ACTN3: variants seen among roughly 807,000 people sequenced by gnomAD.
The protein encoded by ACTN3 is alpha-actinin-3.
ACTN3 carries 91 observed loss-of-function variants against 119.6 expected under a neutral mutation model. The observed-to-expected ratio is 0.76, with a 90% CI of 0.64 to 0.91. The LOEUF is 0.91. Among genes scored for constraint, ACTN3 ranks in the 40% least tolerant of loss-of-function variants. The pLI is 0.00. For missense variants in ACTN3, 1,221 were observed against 1,215.1 expected (o/e 1.00, Z -0.07); for synonymous variants, 456 against 478.8 (o/e 0.95, Z 0.62).
In ACTN3 at chr11:66,559,949, C is replaced by T. The variant is rs370074102; in HGVS notation, c.1428-19C>T. 32 of 1,575,930 alleles carry T rather than the reference C, an allele frequency of 2.0e-5. No individual in the cohort carries two copies. Among genetic ancestry groups the T allele is most frequent in the South Asian group, 3.5e-5 (3 of 85,546 alleles). On this transcript the variant is annotated intron_variant, in intron 12 of 20. Transcript: ENST00000513398. The stretch of plus-strand genomic sequence containing the variant: ...TGGGCTGGGGCTGGCCCCACACTCG[C>T]CCTACTTCTCGCTCCCAGTGAGCTG...
chr11:66,561,360 A>G lies in ACTN3; in HGVS notation c.1994A>G (p.Glu665Gly). ...GGACCCTGGATCCAGGCGAAGGTGG[A>G]GGTAAGGGCTGGGATAGTGGGTCCA... is the stretch of plus-strand genomic sequence containing the variant. The part of the protein sequence containing the change: ...AIGPWIQAKV[E>G]EVGRLAAGLA... The change falls in exon 16 of 21, where the codon GAG becomes GGG. Residue 665 changes from glutamate (E) to glycine (G), a missense_variant and splice_region_variant. By Grantham distance (98) the Glu-to-Gly change is moderately conservative. Transcript: ENST00000513398. 1.2e-6 allele frequency: 2 copies of G among 1,609,804 alleles called. No homozygotes were observed. The highest frequency in any genetic ancestry group is 1.7e-5 in the Admixed American group (1 of 59,736).
rs2275998 is a variant in ACTN3 at position 66,559,110 on chromosome 11, T to A, written c.1277-126T>A. The A allele has an allele frequency of 2.9e-6, 3 of 1,045,828 alleles. No homozygotes were observed. In the African/African-American group the frequency reaches 5.0e-5, roughly 17 times the overall value. 64.8% of individuals were successfully genotyped at this position (1,045,828 alleles called of 1,614,324 possible). A position where few individuals can be genotyped will look rare whatever the true frequency, so the allele number is the denominator to read the frequency against. ...TATTACACCGACGCCGCAGAGCAAATCCCTAGGACGAGCTAGGCCGGTGCG... is the reference window on the plus strand; with the variant it reads ...TATTACACCGACGCCGCAGAGCAAAACCCTAGGACGAGCTAGGCCGGTGCG... On this transcript the variant is annotated intron_variant, in intron 11 of 20. Transcript: ENST00000513398.
At chr11:66,560,779 T>TCCCA in intron 15 of ACTN3, 24 bp downstream of exon 15, 1 of 1,587,490 alleles carries the variant, frequency 6.3e-7, no homozygotes, top group African/African-American at 1.3e-5. Flanking sequence ...GCAGCCTTCC[T>TCCCA]CCCACCCCCT....
At position 66,551,347 on chromosome 11, in the gene ACTN3, AT is replaced by A; in HGVS notation, c.259del (p.Ser87GlnfsTer48). 13 of 1,603,196 alleles carry A rather than the reference AT, an allele frequency of 8.1e-6. No individual in the cohort carries two copies. Among genetic ancestry groups the A allele is most frequent in the Non-Finnish European group, 1.1e-5 (13 of 1,174,788 alleles). On this transcript the variant is annotated frameshift_variant, in exon 2 of 21. Coordinates refer to ENST00000513398, the MANE Select transcript of ACTN3 (RefSeq NM_001104.4). LOFTEE classifies it high-confidence loss of function. ...CAAACTCATGCTGCTCCTGGAGGTC[AT>A]TTCAGGTGAGGATGGCAAATCAGTG... ...GLKLMLLLEVISGERLPRPDK... is the reference protein window; with the variant it reads ...GLKLMLLLEVXSGERLPRPDK...
rs1332332091 is a variant in ACTN3 at position 66,559,386 on chromosome 11, A to G, written c.1427A>G (p.Asn476Ser). The change falls in exon 12 of 21, where the codon AAT becomes AGT. Residue 476 changes from asparagine (N) to serine (S), a missense_variant and splice_region_variant. By Grantham distance (46) the Asn-to-Ser change is conservative. Coordinates refer to ENST00000513398, the MANE Select transcript of ACTN3 (RefSeq NM_001104.4). ...EHIAALAQEL[N>S]ELDYHEAASV... ...ATTGCCGCGCTGGCCCAGGAGCTCA[A>G]GTAGGCGGGGCCTCGCGGGGCCCGC... 6.6e-6 allele frequency: 10 copies of G among 1,524,366 alleles called. No individual in the cohort carries two copies. The highest frequency in any genetic ancestry group is 8.7e-6 in the Non-Finnish European group (10 of 1,143,530). 94.4% of individuals were successfully genotyped at this position (1,524,366 alleles called of 1,614,324 possible).
chr11:66,549,354 G>C (rs2134916081), intron 1 of ACTN3, among the ~76,000 whole-genome samples: 1 of 152,190 alleles, frequency 6.6e-6, no homozygotes. Flanking sequence ...AAATTCCTCG[G>C]CAACCTCTTA....
intron 17 of ACTN3, 103 bp downstream of exon 17, chr11:66,561,740 G>C: frequency 7.2e-7 from 1 of 1,387,492 alleles, no homozygotes; most frequent in Non-Finnish European, 9.7e-7. Context: ...AGAGTCCCCA[G>C]TTCAGCTTGG....
intron 1 of ACTN3, among the ~76,000 whole-genome samples, chr11:66,549,824 T>C (rs1194134802): frequency 6.8e-6 from 1 of 146,130 alleles, no homozygotes; most frequent in African/African-American, 2.5e-5. Flanking sequence ...CATCTTAGAC[T>C]CCAGGGTTGG....
upstream of ACTN3, chr11:66,546,650 G>C: frequency 2.0e-6 from 3 of 1,533,142 alleles, no homozygotes; most frequent in Middle Eastern, 3.3e-4. Flanking sequence ...CAGACTCAGA[G>C]AGGTCCCGTG....
chr11:66,546,763 G>A, upstream of ACTN3: 2 of 1,535,056 alleles, frequency 1.3e-6, no homozygotes, highest in Non-Finnish European at 1.7e-6. Flanking sequence ...CGCAGTTCCC[G>A]GCTTCAGGAC....
Position 66,563,019 on chromosome 11 carries a change from C to G in ACTN3, c.2548-16C>G. The G allele has an allele frequency of 6.2e-7, 1 of 1,608,486 alleles. No individual in the cohort carries two copies. The highest frequency in any genetic ancestry group is 1.7e-4 in the Middle Eastern group (1 of 6,044). The stretch of plus-strand genomic sequence containing the variant: ...GGGCACGGGACCTGTGGGTCCTCAA[C>G]GCCTCTTCTCCCCAGAACTACATCA... On this transcript the variant is annotated splice_polypyrimidine_tract_variant and intron_variant, in intron 20 of 20. Transcript: ENST00000513398.
At chr11:66,554,700 G>GCCCTTC in intron 5 of ACTN3, 77 bp downstream of exon 5, 3 of 1,214,634 alleles carry the variant, frequency 2.5e-6, no homozygotes, top group African/African-American at 1.5e-5. Flanking sequence ...CCTGGTCAGT[G>GCCCTTC]AAGGGCACTG....
chr11:66,546,746 C>G (rs143162807), upstream of ACTN3: 145 of 1,535,616 alleles, frequency 9.4e-5, 1 homozygote, highest in Non-Finnish European at 1.2e-4. Flanking sequence ...CCGGCGCCCC[C>G]GAGTCCCGCA....
intron 1 of ACTN3, among the ~76,000 whole-genome samples, chr11:66,548,862 C>T (rs1355795111): frequency 6.6e-6 from 1 of 152,190 alleles, no homozygotes; most frequent in East Asian, 1.9e-4. Context: ...CCATCCAATC[C>T]TGCCTTGTCC....
At position 66,561,380 on chromosome 11, in the gene ACTN3, G is replaced by C; in HGVS notation, c.1995+19G>C. 1 of 1,607,578 alleles carries C rather than the reference G, an allele frequency of 6.2e-7. No homozygotes were observed. The highest frequency in any genetic ancestry group is 8.5e-7 in the Non-Finnish European group (1 of 1,176,376). On this transcript the variant is annotated intron_variant, in intron 16 of 20. Transcript: ENST00000513398. ...GGTGGAGGTAAGGGCTGGGATAGTG[G>C]GTCCAACCTGGGGGGATGGGGCCAG...
In ACTN3 at chr11:66,562,288, T is replaced by A. The variant is rs200377702; in HGVS notation, c.2354T>A (p.Phe785Tyr). 49 of 1,613,300 alleles carry A rather than the reference T, an allele frequency of 3.0e-5. No individual in the cohort carries two copies. Among genetic ancestry groups the A allele is most frequent in the Admixed American group, 2.3e-4 (14 of 59,970 alleles). Residue 785 changes from phenylalanine (F) to tyrosine (Y), a missense_variant, in exon 19 of 21, where the codon TTC becomes TAC. Phe to Tyr is a conservative substitution (Grantham distance 22). Coordinates refer to ENST00000513398, the MANE Select transcript of ACTN3 (RefSeq NM_001104.4). ...KQNGMMEPDD[F>Y]RACLISMGYD... ...AATGGGATGATGGAGCCTGATGACTTCCGAGCTTGCCTCATCTCCATGGGC... is the reference window on the plus strand; with the variant it reads ...AATGGGATGATGGAGCCTGATGACTACCGAGCTTGCCTCATCTCCATGGGC...
intron 12 of ACTN3, among the ~76,000 whole-genome samples, 185 bp from the exon 13 acceptor site, chr11:66,559,783 C>A (rs574665543): frequency 1.3e-5 from 2 of 149,766 alleles, no homozygotes; most frequent in East Asian, 3.9e-4. Context: ...GACCCGCGGG[C>A]GCCCACCTGC....
At chr11:66,562,381 C>T in intron 19 of ACTN3, 59 bp downstream of exon 19, 1 of 1,552,846 alleles carries the variant, frequency 6.4e-7, no homozygotes, top group African/African-American at 1.4e-5. Flanking sequence ...CTGTGCTGAT[C>T]ACCTACTGTG....
At position 66,559,950 on chromosome 11, in the gene ACTN3, C is replaced by T; in HGVS notation, c.1428-18C>T. 2 of 1,577,638 alleles carry T rather than the reference C, an allele frequency of 1.3e-6. No individual in the cohort carries two copies. The highest frequency in any genetic ancestry group is 1.7e-6 in the Non-Finnish European group (2 of 1,164,018). On this transcript the variant is annotated intron_variant, in intron 12 of 20. Coordinates refer to ENST00000513398, the MANE Select transcript of ACTN3 (RefSeq NM_001104.4). Reference sequence around the variant, plus strand: ...GGGCTGGGGCTGGCCCCACACTCGCCCTACTTCTCGCTCCCAGTGAGCTGG... The same window carrying T: ...GGGCTGGGGCTGGCCCCACACTCGCTCTACTTCTCGCTCCCAGTGAGCTGG...
Sources: allele counts gnomAD v4.1 joint callset (sites outside exome capture counted in the v4.1 genomes callset), GRCh38; gene constraint gnomAD v4.1.1; transcripts MANE v1.5; gene names NCBI Gene and HGNC (gene_info 2026-07-23, HGNC 2026-07-21).